USP15: variants seen among roughly 807,000 people sequenced by gnomAD.
The protein encoded by USP15 is ubiquitin specific peptidase 15.
USP15 carries 18 observed loss-of-function variants against 127.1 expected under a neutral mutation model. That is an observed-to-expected ratio of 0.14 (90% CI 0.10 to 0.21). USP15 has a LOEUF of 0.21. Ranked by LOEUF, USP15 falls within the 10% of genes least tolerant of loss-of-function variation. The pLI is 1.00. For synonymous variants in USP15, 364 were observed against 393.7 expected, an observed-to-expected ratio of 0.92 and a Z score of 0.89; for missense variants, 805 against 1,159.9, an observed-to-expected ratio of 0.69 and a Z score of 4.44.
At chr12:62,337,885 G>A (rs576005206) in intron 6 of USP15, among the ~76,000 whole-genome samples, 1 of 152,264 alleles carries the variant, frequency 6.6e-6, no homozygotes, top group South Asian at 2.1e-4. Flanking sequence ...CTATCAGGAT[G>A]GAGATTTGGG....
At chr12:62,399,394 A>G (rs2067604831) in intron 20 of USP15, among the ~76,000 whole-genome samples, 1 of 151,860 alleles carries the variant, frequency 6.6e-6, no homozygotes, top group Non-Finnish European at 1.5e-5. Flanking sequence ...GTACAGTCAT[A>G]TTAGTTGTCA....
chr12:62,373,631 A>G (rs1177519059), intron 8 of USP15, among the ~76,000 whole-genome samples: 5 of 151,866 alleles, frequency 3.3e-5, no homozygotes, highest in South Asian at 4.1e-4. Flanking sequence ...CTGACGGGGG[A>G]AAAAAAGCAG....
chr12:62,275,114 A>T (rs907028919), intron 1 of USP15, among the ~76,000 whole-genome samples: 16 of 152,186 alleles, frequency 1.1e-4, no homozygotes, highest in African/African-American at 3.1e-4. Flanking sequence ...TAAATTACTG[A>T]TGAAGTCACT....
rs57877818 is a variant in USP15 at position 62,413,716 on chromosome 12, TAAAA to T, written c.*9351_*9354del. ...TAGTGTTGTGGCTGATTTGATCTATTAAAAAAAAAAAAACTCAGGCTTTCTCTAT... is the reference window on the plus strand; with the variant it reads ...TAGTGTTGTGGCTGATTTGATCTATTAAAAAAAAACTCAGGCTTTCTCTAT... On this transcript the variant is annotated 3_prime_UTR_variant, in exon 22 of 22. Coordinates refer to ENST00000280377, the MANE Select transcript of USP15 (RefSeq NM_001252078.2). The T allele has an allele frequency of 1.4e-5, 2 of 146,772 alleles. No homozygotes were observed. The highest frequency in any genetic ancestry group is 1.5e-5 in the Non-Finnish European group (1 of 66,240). 9.1% of individuals were successfully genotyped at this position (146,772 alleles called of 1,614,324 possible).
At chr12:62,396,076 CCAAA>C (rs1000998751) in intron 19 of USP15, among the ~76,000 whole-genome samples, 25 of 151,542 alleles carry the variant, frequency 1.6e-4, no homozygotes, top group Non-Finnish European at 3.1e-4. Flanking sequence ...CAAATGTTTG[CCAAA>C]ACATTAATAT....
rs949391728 is a variant in USP15, at chr12:62,389,609, T to C, written c.1562T>C (p.Ile521Thr). The change falls in exon 13 of 22, where the codon ATA becomes ACA. Residue 521 changes from isoleucine to threonine, a missense_variant. Coordinates refer to ENST00000280377, the MANE Select transcript of USP15 (RefSeq NM_001252078.2). ...ALSGIPADKM[I>T]VTDIYNHRFH... Reference sequence around the variant, plus strand: ...TAGAAATTCGTTTCCTTTTAGATGATAGTTACTGATATATACAATCATAGA... The same window carrying C: ...TAGAAATTCGTTTCCTTTTAGATGACAGTTACTGATATATACAATCATAGA... 3.1e-6 allele frequency: 5 copies of C among 1,611,702 alleles called. No individual in the cohort carries two copies. The highest frequency in any genetic ancestry group is 4.2e-6 in the Non-Finnish European group (5 of 1,178,882).
chr12:62,264,444 G>A (rs971770074), intron 1 of USP15, among the ~76,000 whole-genome samples: 3 of 152,202 alleles, frequency 2.0e-5, no homozygotes, highest in Non-Finnish European at 4.4e-5. Context: ...AAGTGGTAAT[G>A]TGTAGTTAAC....
chr12:62,366,363 G>T (rs1184698726), intron 8 of USP15, among the ~76,000 whole-genome samples: 1 of 151,926 alleles, frequency 6.6e-6, no homozygotes, highest in Non-Finnish European at 1.5e-5. Context: ...TCTGTTATTG[G>T]TATATAGGAA....
intron 6 of USP15, among the ~76,000 whole-genome samples, chr12:62,329,629 G>A (rs954292692): frequency 2.0e-5 from 3 of 151,838 alleles, no homozygotes; most frequent in African/African-American, 7.3e-5. Flanking sequence ...TAAAAAAATA[G>A]GTAAAAGATA....
At chr12:62,291,666 G>A (rs912041800) in intron 1 of USP15, among the ~76,000 whole-genome samples, 2 of 152,154 alleles carry the variant, frequency 1.3e-5, no homozygotes, top group South Asian at 2.1e-4. Context: ...TTGTTTGAAC[G>A]AGACTGTTTT....
chr12:62,315,702 G>T (rs1011833328), intron 4 of USP15, among the ~76,000 whole-genome samples: 1 of 152,128 alleles, frequency 6.6e-6, no homozygotes, highest in Admixed American at 6.6e-5. Context: ...GCCAATTTAT[G>T]AATTATAGCG....
rs186425324 is a variant in USP15 at position 62,324,868 on chromosome 12, C to G, written c.622-1004C>G. ...TGCCAATTTATAAATGACCTGGAAACATATAGTTCACAAAAATATATTACT... is the reference window on the plus strand; with the variant it reads ...TGCCAATTTATAAATGACCTGGAAAGATATAGTTCACAAAAATATATTACT... On this transcript the variant is annotated intron_variant, in intron 5 of 21. Coordinates refer to ENST00000280377, the MANE Select transcript of USP15 (RefSeq NM_001252078.2). Among the ~76,000 whole-genome samples the G allele has an allele frequency of 1.3e-4, 20 of 151,824 alleles. No individual in the cohort carries two copies. The East Asian group carries it at 3.9e-3, about 29-fold the overall frequency.
intron 3 of USP15, among the ~76,000 whole-genome samples, chr12:62,308,199 A>G (rs980204449): frequency 1.3e-5 from 2 of 152,048 alleles, no homozygotes; most frequent in South Asian, 4.1e-4. Flanking sequence ...TCTGAACTCC[A>G]GGTTGCTAAA....
chr12:62,372,822 A>G (rs1261729886), intron 8 of USP15, among the ~76,000 whole-genome samples: 6 of 152,112 alleles, frequency 3.9e-5, no homozygotes, highest in African/African-American at 1.4e-4. Flanking sequence ...ATTGAATTCC[A>G]TTCAATTCTT....
At chr12:62,358,668 A>T (rs1247005482) in intron 8 of USP15, among the ~76,000 whole-genome samples, 2 of 152,168 alleles carry the variant, frequency 1.3e-5, no homozygotes, top group Admixed American at 6.6e-5. Flanking sequence ...GTGAGCCAAG[A>T]TTACACCATT....
chr12:62,403,049 C>G (rs2067744710), intron 21 of USP15, among the ~76,000 whole-genome samples: 1 of 151,986 alleles, frequency 6.6e-6, no homozygotes, highest in South Asian at 2.1e-4. Context: ...TTTTACTTCA[C>G]CATTCACCAA....
intron 2 of USP15, among the ~76,000 whole-genome samples, chr12:62,299,145 A>G (rs780971515): frequency 6.6e-6 from 1 of 152,036 alleles, no homozygotes; most frequent in Non-Finnish European, 1.5e-5. Flanking sequence ...ATTTTTTGAG[A>G]TGGAGTCTCA....
rs1355016182 is a variant in USP15, at chr12:62,260,428, G to C, written c.14G>C (p.Gly5Ala). ...TAGTGGAAGAAGATGGCGGAAGGCG[G>C]AGCGGCGGATCTGGACACCCAGCGG... is the stretch of plus-strand genomic sequence containing the variant. MAEG[G>A]AADLDTQRSD... Residue 5 changes from glycine (G) to alanine (A), a missense_variant, in exon 1 of 22, where the codon GGA (glycine) becomes GCA (alanine). Physicochemically the swap from Gly to Ala is moderately conservative, Grantham distance 60. Coordinates refer to ENST00000280377, the MANE Select transcript of USP15 (RefSeq NM_001252078.2). 1.3e-6 allele frequency: 2 copies of C among 1,551,350 alleles called. No homozygotes were observed. Among genetic ancestry groups the C allele is most frequent in the African/African-American group, 2.7e-5 (2 of 73,088 alleles).
chr12:62,365,744 G>C (rs1184464258), intron 8 of USP15, among the ~76,000 whole-genome samples: 4 of 152,130 alleles, frequency 2.6e-5, no homozygotes, highest in African/African-American at 9.7e-5. Context: ...TTGTAAGGAA[G>C]GGGTCCAGTT....
Sources: gnomAD v4.1 joint callset for allele counts (sites outside exome capture counted in the v4.1 genomes callset) on GRCh38, gnomAD v4.1.1 for gene constraint, MANE v1.5 for transcripts, NCBI Gene and HGNC (gene_info 2026-07-23, HGNC 2026-07-21) for gene names.